MACROD2: variants seen among roughly 807,000 people sequenced by gnomAD.
The protein encoded by MACROD2 is mono-ADP ribosylhydrolase 2.
In MACROD2, 36 loss-of-function variants were observed where a neutral mutation model predicts 70.4. That is an observed-to-expected ratio of 0.51 (90% CI 0.39 to 0.68). The LOEUF (loss-of-function observed/expected upper bound fraction) is 0.68. MACROD2 is among the 30% of genes least tolerant of loss of function. The pLI, the probability that MACROD2 is intolerant of heterozygous loss-of-function variation, is 0.00. For missense variants in MACROD2, 496 were observed against 538.4 expected, an observed-to-expected ratio of 0.92 and a Z score of 0.78; for synonymous variants, 172 against 178.8, an observed-to-expected ratio of 0.96 and a Z score of 0.30.
intron 5 of MACROD2, among the ~76,000 whole-genome samples, chr20:14,830,920 A>G (rs2072957596): frequency 6.6e-6 from 1 of 152,190 alleles, no homozygotes. Flanking sequence ...TCCTTAAAAT[A>G]TATTTAAAAA....
intron 8 of MACROD2, among the ~76,000 whole-genome samples, chr20:15,524,257 G>T (rs558818534): frequency 2.8e-4 from 42 of 151,866 alleles, no homozygotes; most frequent in South Asian, 1.0e-3. Flanking sequence ...TTTGTGAGGG[G>T]ATCTCCAACT....
At chr20:15,647,826 T>C (rs1048156001) in intron 8 of MACROD2, among the ~76,000 whole-genome samples, 3 of 151,750 alleles carry the variant, frequency 2.0e-5, no homozygotes, top group African/African-American at 7.3e-5. Context: ...TTCAAGTGAT[T>C]CTCCTGCCTC....
chr20:15,644,023 T>C lies in MACROD2; in HGVS notation c.645+144176T>C, dbSNP rs143068767. On this transcript the variant is annotated intron_variant, in intron 8 of 17. Transcript: ENST00000684519. ...ATGATAGTCCTCGCAATGTGTCTCA[T>C]TGGCCATTATTTAGACATATACCAT... 3.6e-3 allele frequency among the ~76,000 whole-genome samples: 553 copies of C among 152,298 alleles called. 8 individuals carry two copies. The highest frequency in any genetic ancestry group is 0.012 in the African/African-American group (503 of 41,560).
chr20:15,149,909 G>A (rs2076256939), intron 5 of MACROD2, among the ~76,000 whole-genome samples: 1 of 151,968 alleles, frequency 6.6e-6, no homozygotes, highest in Non-Finnish European at 1.5e-5. Flanking sequence ...AAAGATGAGT[G>A]GGGAAAGGAT....
chr20:14,248,853 A>G (rs1213539572), intron 3 of MACROD2, among the ~76,000 whole-genome samples: 5 of 152,046 alleles, frequency 3.3e-5, no homozygotes, highest in African/African-American at 1.2e-4. Context: ...AATATATTCA[A>G]TAAGATAATC....
chr20:14,749,936 A>G (rs986261271), intron 5 of MACROD2, among the ~76,000 whole-genome samples: 2 of 152,126 alleles, frequency 1.3e-5, no homozygotes, highest in Admixed American at 1.3e-4. Context: ...AGAAAAGAAG[A>G]GTTGTTTAAT....
intron 3 of MACROD2, among the ~76,000 whole-genome samples, chr20:14,152,468 C>G (rs754303215): frequency 6.6e-6 from 1 of 150,530 alleles, no homozygotes; most frequent in Non-Finnish European, 1.5e-5. Flanking sequence ...GCTCTGTTGC[C>G]CAGGCTGGAG....
chr20:15,441,466 G>A lies in MACROD2; in HGVS notation c.571+10031G>A, dbSNP rs151218080. On this transcript the variant is annotated intron_variant, in intron 7 of 17. Transcript: ENST00000684519. ...AACTTAGTTTTTCTGGAATGCAGAG[G>A]CAGTGAGAAACCAGTGTCAGTCTTC... 6.8e-3 allele frequency among the ~76,000 whole-genome samples: 1,040 copies of A among 152,214 alleles called. 8 individuals carry two copies. The highest frequency in any genetic ancestry group is 0.023 in the African/African-American group (943 of 41,542).
intron 3 of MACROD2, among the ~76,000 whole-genome samples, chr20:14,327,865 T>C (rs1185197797): frequency 2.0e-5 from 3 of 152,112 alleles, no homozygotes; most frequent in East Asian, 3.8e-4. Flanking sequence ...TTATACTTTA[T>C]ATCAACCTTT....
intron 5 of MACROD2, among the ~76,000 whole-genome samples, chr20:15,223,493 C>A (rs1465107770): frequency 2.0e-5 from 3 of 152,162 alleles, no homozygotes; most frequent in Non-Finnish European, 4.4e-5. Flanking sequence ...CCAGTCATTT[C>A]TATCTAGGGG....
intron 4 of MACROD2, among the ~76,000 whole-genome samples, chr20:14,500,858 T>A (rs1224733413): frequency 1.3e-5 from 2 of 152,206 alleles, no homozygotes; most frequent in African/African-American, 4.8e-5. Context: ...GGCAGAAATT[T>A]CCTGAGAGTG....
At chr20:14,137,472 G>A (rs915507096) in intron 3 of MACROD2, among the ~76,000 whole-genome samples, 4 of 152,066 alleles carry the variant, frequency 2.6e-5, no homozygotes, top group Non-Finnish European at 5.9e-5. Context: ...TTGTTGTAAG[G>A]CAGGTCTAGA....
chr20:15,327,561 A>G (rs2077944443), intron 6 of MACROD2, among the ~76,000 whole-genome samples: 1 of 151,910 alleles, frequency 6.6e-6, no homozygotes, highest in Non-Finnish European at 1.5e-5. Context: ...CCCTTATAAA[A>G]CCCTCAGATC....
chr20:14,084,162 A>G (rs898229765), intron 2 of MACROD2, among the ~76,000 whole-genome samples: 1 of 151,228 alleles, frequency 6.6e-6, no homozygotes, highest in Non-Finnish European at 1.5e-5. Flanking sequence ...TTTTATGGTC[A>G]TAGATTATTT....
intron 5 of MACROD2, among the ~76,000 whole-genome samples, chr20:14,946,288 A>C (rs1398444657): frequency 1.3e-5 from 2 of 152,162 alleles, no homozygotes; most frequent in Admixed American, 1.3e-4. Flanking sequence ...CAAATTCTCA[A>C]AGTATGTTTC....
At chr20:14,244,068 T>C (rs998767439) in intron 3 of MACROD2, among the ~76,000 whole-genome samples, 1 of 152,250 alleles carries the variant, frequency 6.6e-6, no homozygotes, top group African/African-American at 2.4e-5. Flanking sequence ...AATATTGTTA[T>C]GTCTAGGCTT....
chr20:14,526,755 A>G (rs899484401), intron 4 of MACROD2, among the ~76,000 whole-genome samples: 5 of 152,216 alleles, frequency 3.3e-5, no homozygotes, highest in Non-Finnish European at 7.3e-5. Context: ...CTAGGGGAGC[A>G]TACAAACTGA....
intron 3 of MACROD2, among the ~76,000 whole-genome samples, chr20:14,458,745 T>G (rs138970640): frequency 6.6e-6 from 1 of 152,232 alleles, no homozygotes; most frequent in Non-Finnish European, 1.5e-5. Flanking sequence ...CAAGCAGTTA[T>G]GTTGAAAAAC....
chr20:15,037,941 T>G (rs1337208469), intron 5 of MACROD2, among the ~76,000 whole-genome samples: 1 of 118,310 alleles, frequency 8.5e-6, no homozygotes, highest in Non-Finnish European at 1.7e-5. Flanking sequence ...ATTTTGGATG[T>G]TCTCACTACA....
Sources: gnomAD v4.1 joint callset for allele counts (sites outside exome capture counted in the v4.1 genomes callset) on GRCh38, gnomAD v4.1.1 for gene constraint, MANE v1.5 for transcripts, NCBI Gene and HGNC (gene_info 2026-07-23, HGNC 2026-07-21) for gene names.